The following LGR4 variants were observed in gnomAD, a reference collection of about 807,000 sequenced individuals.
LGR4 encodes the protein leucine rich repeat containing G protein-coupled receptor 4, also known as leucine-rich repeat-containing G protein-coupled receptor 4.
In LGR4, 44 loss-of-function variants were observed where a neutral mutation model predicts 84.8. That is an observed-to-expected ratio of 0.52 (90% CI 0.41 to 0.67). The LOEUF (loss-of-function observed/expected upper bound fraction) is 0.67, where lower values mean the gene tolerates loss of function less well. Ranked by LOEUF, LGR4 falls within the 30% of genes least tolerant of loss-of-function variation. The probability of loss-of-function intolerance (pLI) is 0.00; values close to 1 mark genes in which losing one functional copy is unlikely to be tolerated. For missense variants in LGR4, 1,032 were observed against 1,131.4 expected (o/e 0.91, Z 1.26); for synonymous variants, 429 against 434.3 (o/e 0.99, Z 0.15).
intron 3 of LGR4, 51 bp from the exon 4 acceptor site, chr11:27,391,216 T>C (rs1863279048): frequency 3.2e-6 from 3 of 947,850 alleles, no homozygotes; most frequent in Non-Finnish European, 4.8e-6. Flanking sequence ...TACCATTTTT[T>C]CTTAGAAAAA....
intron 1 of LGR4, among the ~76,000 whole-genome samples, chr11:27,470,567 T>A (rs1864852326): frequency 6.6e-6 from 1 of 152,118 alleles, no homozygotes; most frequent in Non-Finnish European, 1.5e-5. Flanking sequence ...GAAAAATTAG[T>A]CCCATTTCCT....
rs1355570213 is a variant in LGR4 at position 27,369,535 on chromosome 11, T to G, written c.1580-392A>C. ...GGTTCATAACTTGCTATTCTTACCTTAAGAAAGCAACTTAAAATTGTATAA... is the reference window on the plus strand; with the variant it reads ...GGTTCATAACTTGCTATTCTTACCTGAAGAAAGCAACTTAAAATTGTATAA... On this transcript the variant is annotated intron_variant, in intron 17 of 17. Coordinates refer to ENST00000379214, the MANE Select transcript of LGR4 (RefSeq NM_018490.5). 2.6e-5 allele frequency among the ~76,000 whole-genome samples: 4 copies of G among 152,294 alleles called. No homozygotes were observed. The East Asian group carries it at 5.8e-4, about 22-fold the overall frequency.
Position 27,367,716 on chromosome 11 carries a change from C to G in LGR4, c.*151G>C, listed in dbSNP as rs1205883816. The G allele has an allele frequency of 1.8e-6, 1 of 564,504 alleles. No individual in the cohort carries two copies. 35.0% of individuals were successfully genotyped at this position (564,504 alleles called of 1,614,324 possible). A position where few individuals can be genotyped will look rare whatever the true frequency, so the allele number is the denominator to read the frequency against. On this transcript the variant is annotated 3_prime_UTR_variant, in exon 18 of 18. Transcript: ENST00000379214. ...TTAGGCACCTGTTCTTTGAAAATGA[C>G]TGGTTTGAGAAATAAACTGCCACCT...
At chr11:27,375,633 G>C (rs1056145832) in intron 13 of LGR4, among the ~76,000 whole-genome samples, 2 of 152,158 alleles carry the variant, frequency 1.3e-5, no homozygotes, top group African/African-American at 4.8e-5. Flanking sequence ...GCTATAGTGG[G>C]GTGAGAGCAG....
At chr11:27,392,370 AC>A in intron 3 of LGR4, 76 bp downstream of exon 3, 1 of 1,136,360 alleles carries the variant, frequency 8.8e-7, no homozygotes, top group Non-Finnish European at 1.3e-6. Context: ...ACTGTGCTTA[AC>A]CTAGTTCCAA....
At chr11:27,417,353 T>G (rs1023664807) in intron 1 of LGR4, among the ~76,000 whole-genome samples, 1 of 151,838 alleles carries the variant, frequency 6.6e-6, no homozygotes, top group Non-Finnish European at 1.5e-5. Flanking sequence ...TAAAAAAAAC[T>G]CTCCCAATGA....
At chr11:27,426,680 GTTA>G (rs1864029491) in intron 1 of LGR4, among the ~76,000 whole-genome samples, 1 of 152,130 alleles carries the variant, frequency 6.6e-6, no homozygotes, top group East Asian at 1.9e-4. Context: ...CAAAAAGTCA[GTTA>G]TTATTATTTT....
intron 1 of LGR4, among the ~76,000 whole-genome samples, chr11:27,428,088 G>A (rs184885741): frequency 2.0e-5 from 3 of 151,932 alleles, no homozygotes; most frequent in Non-Finnish European, 2.9e-5. Flanking sequence ...TCATCTCATC[G>A]ACTTATTTTG....
chr11:27,418,186 T>G (rs1863858139), intron 1 of LGR4, among the ~76,000 whole-genome samples: 1 of 152,244 alleles, frequency 6.6e-6, no homozygotes, highest in African/African-American at 2.4e-5. Context: ...TAACTTGCTA[T>G]TACTGTTTAA....
At chr11:27,444,998 A>G (rs1864364575) in intron 1 of LGR4, among the ~76,000 whole-genome samples, 1 of 152,168 alleles carries the variant, frequency 6.6e-6, no homozygotes, top group Non-Finnish European at 1.5e-5. Context: ...ATCAAGTGGA[A>G]TGTGCTCCAC....
At chr11:27,440,105 C>T (rs150874638) in intron 1 of LGR4, among the ~76,000 whole-genome samples, 2 of 152,102 alleles carry the variant, frequency 1.3e-5, no homozygotes, top group African/African-American at 4.8e-5. Flanking sequence ...GTGGTTTCAC[C>T]ATGTTGGCCA....
At chr11:27,460,309 A>G (rs907494140) in intron 1 of LGR4, among the ~76,000 whole-genome samples, 2 of 152,160 alleles carry the variant, frequency 1.3e-5, no homozygotes, top group African/African-American at 4.8e-5. Context: ...GTGTTTGGCT[A>G]GCAGGACAAT....
chr11:27,384,713 G>T (rs966278560), intron 5 of LGR4, among the ~76,000 whole-genome samples: 1 of 152,160 alleles, frequency 6.6e-6, no homozygotes, highest in African/African-American at 2.4e-5. Context: ...GTTTTGATTA[G>T]CTCTTAAATA....
Position 27,376,308 on chromosome 11 carries a change from A to C in LGR4, c.1172T>G (p.Leu391Arg). 2 of 1,568,738 alleles carry C rather than the reference A, an allele frequency of 1.3e-6. No homozygotes were observed. The highest frequency in any genetic ancestry group is 1.7e-6 in the Non-Finnish European group (2 of 1,144,376). The change falls in exon 13 of 18, where the codon CTA becomes CGA. Residue 391 changes from leucine (L) to arginine (R), a missense_variant. By Grantham distance (102) the Leu-to-Arg change is moderately radical. Transcript: ENST00000379214. ...TCATAGACAAACTTACAGAATCCTTAGAGATATCAGGCCTTGAAAGGTGCC... is the reference window on the plus strand; with the variant it reads ...TCATAGACAAACTTACAGAATCCTTCGAGATATCAGGCCTTGAAAGGTGCC... ...KEGTFQGLIS[L>R]RILDLSRNLI...
chr11:27,458,169 A>G (rs1864608889), intron 1 of LGR4, among the ~76,000 whole-genome samples: 1 of 152,192 alleles, frequency 6.6e-6, no homozygotes, highest in Admixed American at 6.5e-5. Flanking sequence ...ACATATTAAT[A>G]TACGCAACAT....
At chr11:27,450,715 G>C (rs557463170) in intron 1 of LGR4, among the ~76,000 whole-genome samples, 2 of 152,142 alleles carry the variant, frequency 1.3e-5, no homozygotes, top group African/African-American at 4.8e-5. Context: ...TTGAACCCGG[G>C]AGGCAGAGGT....
chr11:27,413,447 G>A (rs1259875737), intron 1 of LGR4, among the ~76,000 whole-genome samples: 4 of 152,042 alleles, frequency 2.6e-5, no homozygotes, highest in African/African-American at 4.8e-5. Flanking sequence ...AAGAGCGTCC[G>A]CAGAAAGAAA....
chr11:27,424,026 T>C (rs1333160629), intron 1 of LGR4, among the ~76,000 whole-genome samples: 2 of 152,250 alleles, frequency 1.3e-5, no homozygotes, highest in Non-Finnish European at 2.9e-5. Flanking sequence ...TACTGCTTTA[T>C]GACATTTACC....
chr11:27,406,512 T>C (rs1339466735), intron 2 of LGR4, among the ~76,000 whole-genome samples: 1 of 152,046 alleles, frequency 6.6e-6, no homozygotes, highest in African/African-American at 2.4e-5. Flanking sequence ...GTTTTATGAG[T>C]TAAAATAAAA....
Sources: allele counts gnomAD v4.1 joint callset (sites outside exome capture counted in the v4.1 genomes callset), GRCh38; gene constraint gnomAD v4.1.1; transcripts MANE v1.5; gene names NCBI Gene and HGNC (gene_info 2026-07-23, HGNC 2026-07-21).